Variants in DIP2C observed in about 807,000 individuals in gnomAD.
DIP2C encodes disco-interacting protein 2 homolog C.
In DIP2C, 33 loss-of-function variants were observed where a neutral mutation model predicts 192.4. The ratio of observed to expected loss-of-function variants is 0.17; its 90% CI spans 0.13 to 0.23. The LOEUF is 0.23. Among genes scored for constraint, DIP2C ranks in the 10% least tolerant of loss-of-function variants. DIP2C has a pLI of 1.00. For missense variants in DIP2C, 1,537 were observed against 2,110.1 expected, an observed-to-expected ratio of 0.73 and a Z score of 5.32; for synonymous variants, 979 against 864.1, an observed-to-expected ratio of 1.13 and a Z score of -2.33.
chr10:436,312 G>C (rs111523892), intron 4 of DIP2C, among the ~76,000 whole-genome samples: 1 of 152,220 alleles, frequency 6.6e-6, no homozygotes, highest in Non-Finnish European at 1.5e-5. Context: ...AAGCTTCTTC[G>C]GAAGCTTTCC....
intron 1 of DIP2C, among the ~76,000 whole-genome samples, chr10:640,033 C>G (rs1855083733): frequency 6.6e-6 from 1 of 151,846 alleles, no homozygotes; most frequent in African/African-American, 2.4e-5. Flanking sequence ...GCGGCTAAAT[C>G]TCCCACACCC....
At chr10:371,293 C>T (rs764170030) in intron 17 of DIP2C, among the ~76,000 whole-genome samples, 3 of 152,140 alleles carry the variant, frequency 2.0e-5, no homozygotes, top group Non-Finnish European at 2.9e-5. Context: ...ATCGTGTCCC[C>T]GCAAAAGATC....
At chr10:664,279 C>A (rs1403900605) in intron 1 of DIP2C, 1 of 152,238 alleles carries the variant, frequency 6.6e-6, no homozygotes, top group Non-Finnish European at 1.5e-5. Flanking sequence ...TCACAAGACA[C>A]AACACGTGAA....
At chr10:404,861 A>C (rs1964692081) in intron 9 of DIP2C, among the ~76,000 whole-genome samples, 1 of 152,198 alleles carries the variant, frequency 6.6e-6, no homozygotes, top group African/African-American at 2.4e-5. Flanking sequence ...AAACTATCCG[A>C]GGTTTACACT....
Position 374,150 on chromosome 10 carries a change from C to G in DIP2C, c.1992-4517G>C, listed in dbSNP as rs1475993539. Reference sequence around the variant, plus strand: ...TAGGTGTGTGCACCACTGAATTCAGCTGGTTTGTTACACACAGTGTTTAGT... The same window carrying G: ...TAGGTGTGTGCACCACTGAATTCAGGTGGTTTGTTACACACAGTGTTTAGT... On this transcript the variant is annotated intron_variant, in intron 17 of 36. Coordinates refer to ENST00000280886, the MANE Select transcript of DIP2C (RefSeq NM_014974.3). Among the ~76,000 whole-genome samples the G allele has an allele frequency of 3.3e-5, 5 of 152,120 alleles. No homozygotes were observed. In the East Asian group the frequency reaches 9.6e-4, roughly 29 times the overall value.
At chr10:664,718 T>C (rs1214625874) in intron 1 of DIP2C, 2 of 152,240 alleles carry the variant, frequency 1.3e-5, no homozygotes, top group African/African-American at 4.8e-5. Context: ...ATGTATATTC[T>C]GAAATATTTT....
At position 361,985 on chromosome 10, in the gene DIP2C, T is replaced by C. The variant is rs530128024; in HGVS notation, c.2794+505A>G. On this transcript the variant is annotated intron_variant, in intron 22 of 36. Coordinates refer to ENST00000280886, the MANE Select transcript of DIP2C (RefSeq NM_014974.3). ...TGTGCCAATCAAACACCAGAGACCATGAGAACAGCCGTGTGTGGGAGGGGG... is the reference window on the plus strand; with the variant it reads ...TGTGCCAATCAAACACCAGAGACCACGAGAACAGCCGTGTGTGGGAGGGGG... Among the ~76,000 whole-genome samples the C allele has an allele frequency of 5.4e-5, 8 of 149,492 alleles. No individual in the cohort carries two copies. In the East Asian group the frequency reaches 1.6e-3, roughly 29 times the overall value.
At chr10:484,362 G>A (rs1278029162) in intron 2 of DIP2C, among the ~76,000 whole-genome samples, 1 of 152,188 alleles carries the variant, frequency 6.6e-6, no homozygotes, top group Non-Finnish European at 1.5e-5. Flanking sequence ...TTTGGAGATG[G>A]AAATCTCAAA....
intron 3 of DIP2C, among the ~76,000 whole-genome samples, chr10:448,762 A>G (rs11252486): frequency 0.81 from 99,800 of 123,624 alleles, 44,112 homozygotes; most frequent in Non-Finnish European, 0.95. Context: ...AGCAGGACCC[A>G]CTCACCCCTG....
intron 1 of DIP2C, among the ~76,000 whole-genome samples, chr10:610,074 C>T (rs1426443834): frequency 1.3e-5 from 2 of 152,184 alleles, no homozygotes; most frequent in Non-Finnish European, 2.9e-5. Flanking sequence ...CCGGAATCAC[C>T]TGAGTGCCGG....
At chr10:616,293 C>G (rs998067101) in intron 1 of DIP2C, among the ~76,000 whole-genome samples, 3 of 152,220 alleles carry the variant, frequency 2.0e-5, no homozygotes, top group Non-Finnish European at 4.4e-5. Flanking sequence ...ATTTACGTTA[C>G]AGACAAGCAT....
At chr10:394,111 C>T (rs930593310) in intron 10 of DIP2C, among the ~76,000 whole-genome samples, 1 of 152,208 alleles carries the variant, frequency 6.6e-6, no homozygotes, top group African/African-American at 2.4e-5. Flanking sequence ...TATCGGCATC[C>T]CTACATTCAC....
rs11253284 is a variant in DIP2C, at chr10:619,311, G to T, written c.85+70183C>A. ...TATTTTCTCACATTTCTGGAAACTG[G>T]AATCCAAAACAGGTCCCACCAGCTA... On this transcript the variant is annotated intron_variant, in intron 1 of 36. Coordinates refer to ENST00000280886, the MANE Select transcript of DIP2C (RefSeq NM_014974.3). 4.6e-4 allele frequency among the ~76,000 whole-genome samples: 70 copies of T among 152,266 alleles called. No individual in the cohort carries two copies. In the East Asian group the frequency reaches 0.011, roughly 25 times the overall value.
chr10:613,218 T>C (rs1853220438), intron 1 of DIP2C, among the ~76,000 whole-genome samples: 1 of 152,232 alleles, frequency 6.6e-6, no homozygotes, highest in Admixed American at 6.5e-5. Context: ...ATTAGAACTT[T>C]TGAAGAACAG....
intron 4 of DIP2C, chr10:430,246 G>A (rs1460638300): frequency 6.6e-6 from 1 of 152,178 alleles, no homozygotes; most frequent in Non-Finnish European, 1.5e-5. Flanking sequence ...TTTAAAGACA[G>A]GATCTCAAAA....
chr10:373,865 C>T (rs1251394732), intron 17 of DIP2C, among the ~76,000 whole-genome samples: 1 of 152,218 alleles, frequency 6.6e-6, no homozygotes, highest in Non-Finnish European at 1.5e-5. Context: ...ACATTCTCAA[C>T]ACCTGTTTCT....
rs541164104 is a variant in DIP2C, at chr10:659,631, A to G, written c.85+29863T>C. On this transcript the variant is annotated intron_variant, in intron 1 of 36. Coordinates refer to ENST00000280886, the MANE Select transcript of DIP2C (RefSeq NM_014974.3). Reference sequence around the variant, plus strand: ...TCTGTAAAGGTATTCTCAAACTTGAATTGAACGAATTCTGCTAATTATAGT... The same window carrying G: ...TCTGTAAAGGTATTCTCAAACTTGAGTTGAACGAATTCTGCTAATTATAGT... 3.3e-5 allele frequency among the ~76,000 whole-genome samples: 5 copies of G among 151,718 alleles called. No individual in the cohort carries two copies. In the South Asian group the frequency reaches 1.0e-3, roughly 31 times the overall value.
chr10:688,143 C>A (rs1428929305), intron 1 of DIP2C, among the ~76,000 whole-genome samples: 1 of 152,206 alleles, frequency 6.6e-6, no homozygotes, highest in Non-Finnish European at 1.5e-5. Context: ...CAGTTTACAT[C>A]CGAACCCTGC....
chr10:492,378 C>T (rs941931254), intron 1 of DIP2C, among the ~76,000 whole-genome samples: 1 of 152,210 alleles, frequency 6.6e-6, no homozygotes, highest in East Asian at 1.9e-4. Context: ...CCTGCACCTG[C>T]TGTGCCCATC....
Sources: allele counts gnomAD v4.1 joint callset (sites outside exome capture counted in the v4.1 genomes callset), GRCh38; gene constraint gnomAD v4.1.1; transcripts MANE v1.5; gene names NCBI Gene and HGNC (gene_info 2026-07-23, HGNC 2026-07-21).